The following ANKRD30B variants were observed in gnomAD, a reference collection of about 807,000 sequenced individuals.
The protein encoded by ANKRD30B is ankyrin repeat domain 30B.
A neutral mutation model predicts 202.2 loss-of-function variants in ANKRD30B; 144 were observed. The observed-to-expected ratio is 0.71, with a 90% CI of 0.62 to 0.82. The LOEUF is 0.82. Ranked by LOEUF, ANKRD30B falls within the 40% of genes least tolerant of loss-of-function variation. The pLI is 0.00. For synonymous variants in ANKRD30B, 508 were observed against 561.3 expected (o/e 0.91, Z 1.34); for missense variants, 1,487 against 1,669.1 (o/e 0.89, Z 1.90).
the ANKRD30B span, among the ~76,000 whole-genome samples, chr18:14,904,161 G>A: frequency 6.6e-6 from 1 of 152,192 alleles, no homozygotes; most frequent in African/African-American, 2.4e-5. Context: ...TCGGTGATCA[G>A]TTCTCTTCCC....
At chr18:14,818,016 TTG>T (rs1970207010) in intron 30 of ANKRD30B, among the ~76,000 whole-genome samples, 2 of 152,150 alleles carry the variant, frequency 1.3e-5, no homozygotes, top group African/African-American at 4.8e-5. Context: ...GCATATATAC[TTG>T]ATATGTCTAA....
the ANKRD30B span, chr18:14,883,471 A>G: frequency 6.8e-6 from 1 of 146,720 alleles, no homozygotes; most frequent in Non-Finnish European, 1.5e-5. Flanking sequence ...ATCTATAGAT[A>G]TATACGGAAC....
the ANKRD30B span, among the ~76,000 whole-genome samples, chr18:14,862,474 C>G: frequency 6.6e-6 from 1 of 152,188 alleles, no homozygotes; most frequent in African/African-American, 2.4e-5. Context: ...AAAAGATCCT[C>G]AGAATATGTT....
chr18:14,887,248 G>A, the ANKRD30B span, among the ~76,000 whole-genome samples: 4 of 151,968 alleles, frequency 2.6e-5, no homozygotes, highest in Non-Finnish European at 5.9e-5. Context: ...GACATTCAGG[G>A]CCCCTTATTC....
chr18:14,820,928 A>C (rs1484657887), intron 30 of ANKRD30B, among the ~76,000 whole-genome samples: 8 of 152,150 alleles, frequency 5.3e-5, no homozygotes, highest in African/African-American at 1.9e-4. Flanking sequence ...GAATAGTTTC[A>C]GAAGGAATGG....
chr18:14,902,874 C>G, the ANKRD30B span, among the ~76,000 whole-genome samples: 1 of 152,106 alleles, frequency 6.6e-6, no homozygotes, highest in South Asian at 2.1e-4. Flanking sequence ...TCAGTTATGC[C>G]AACAATTATG....
intron 39 of ANKRD30B, among the ~76,000 whole-genome samples, chr18:14,845,704 T>A (rs1227546991): frequency 6.6e-6 from 1 of 151,994 alleles, no homozygotes; most frequent in East Asian, 1.9e-4. Flanking sequence ...AATCTATAGT[T>A]GGGAGCTTAT....
chr18:14,777,115 G>C (rs532468362), intron 9 of ANKRD30B, among the ~76,000 whole-genome samples: 2 of 152,050 alleles, frequency 1.3e-5, no homozygotes, highest in African/African-American at 4.8e-5. Context: ...ATATGTACAC[G>C]AGTGAATTTT....
chr18:14,852,220 G>A lies in ANKRD30B; in HGVS notation c.4276G>A (p.Glu1426Lys). ...TCTGGAGCAGAAATTATTTCAACTA[G>A]AAAGCAAAAATAGGTGGCTTCGACA... ...ESLEQKLFQL[E>K]SKNRWLRQQL... The change falls in exon 42 of 44, where the codon GAA becomes AAA. Residue 1426 changes from glutamate (E) to lysine (K), a missense_variant. Transcript: ENST00000690538. 1 of 1,585,832 alleles carries A rather than the reference G, an allele frequency of 6.3e-7. No homozygotes were observed. The highest frequency in any genetic ancestry group is 8.6e-7 in the Non-Finnish European group (1 of 1,165,576).
chr18:14,795,946 G>T (rs905716475), intron 16 of ANKRD30B, among the ~76,000 whole-genome samples: 1 of 151,698 alleles, frequency 6.6e-6, no homozygotes, highest in Non-Finnish European at 1.5e-5. Context: ...CTGGTATTAG[G>T]ATTTTTCTAA....
chr18:14,826,103 G>A (rs1475969358), intron 32 of ANKRD30B, among the ~76,000 whole-genome samples: 1 of 151,942 alleles, frequency 6.6e-6, no homozygotes, highest in Non-Finnish European at 1.5e-5. Context: ...TGGAGATGCA[G>A]GCTTAGAATA....
chr18:14,751,039 C>A (rs538938515), intron 1 of ANKRD30B, among the ~76,000 whole-genome samples: 4 of 152,012 alleles, frequency 2.6e-5, no homozygotes, highest in Non-Finnish European at 5.9e-5. Flanking sequence ...AAAATAATTT[C>A]TCACTTTCTA....
chr18:14,867,958 C>T, the ANKRD30B span, among the ~76,000 whole-genome samples: 1 of 152,216 alleles, frequency 6.6e-6, no homozygotes, highest in Admixed American at 6.5e-5. Context: ...AAGGAGGTGT[C>T]CCCTGTGGTG....
intron 22 of ANKRD30B, among the ~76,000 whole-genome samples, chr18:14,799,927 A>G (rs566557838): frequency 6.6e-6 from 1 of 152,194 alleles, no homozygotes; most frequent in African/African-American, 2.4e-5. Context: ...ATTCCCATGC[A>G]TGTTTAAATC....
At chr18:14,889,759 G>A in the ANKRD30B span, among the ~76,000 whole-genome samples, 143,862 of 149,452 alleles carry the variant, frequency 0.96, 69,544 homozygotes, top group Middle Eastern at 1. Context: ...GAGGTCAGCT[G>A]ATTCAACTCA....
intron 32 of ANKRD30B, among the ~76,000 whole-genome samples, chr18:14,826,035 G>T (rs1254731279): frequency 1.3e-5 from 2 of 151,990 alleles, no homozygotes; most frequent in Non-Finnish European, 2.9e-5. Flanking sequence ...ATTCATGTGG[G>T]ATATTTTCAG....
the ANKRD30B span, among the ~76,000 whole-genome samples, chr18:14,938,794 C>T: frequency 2.6e-5 from 4 of 152,130 alleles, no homozygotes; most frequent in South Asian, 2.1e-4. Context: ...AGTCTTGATG[C>T]GTGTGGGACT....
intron 41 of ANKRD30B, among the ~76,000 whole-genome samples, chr18:14,850,772 A>G (rs1307661064): frequency 6.6e-6 from 1 of 151,872 alleles, no homozygotes; most frequent in Non-Finnish European, 1.5e-5. Context: ...AGGGCTCTCT[A>G]GATTTTATCT....
intron 39 of ANKRD30B, among the ~76,000 whole-genome samples, chr18:14,843,594 G>GTGT (rs1568069587): frequency 6.9e-5 from 7 of 102,072 alleles, no homozygotes; most frequent in Non-Finnish European, 1.1e-4. Flanking sequence ...TGTGTGTGTG[G>GTGT]TGTGCACGTT....
Sources: allele counts gnomAD v4.1 joint callset (sites outside exome capture counted in the v4.1 genomes callset), GRCh38; gene constraint gnomAD v4.1.1; transcripts MANE v1.5; gene names NCBI Gene and HGNC (gene_info 2026-07-23, HGNC 2026-07-21).